Variants in GABRG3 observed in about 807,000 individuals in gnomAD.
The protein encoded by GABRG3 is gamma-aminobutyric acid receptor subunit gamma-3.
GABRG3 carries 25 observed loss-of-function variants against 48.8 expected under a neutral mutation model. That is an observed-to-expected ratio of 0.51 (90% CI 0.37 to 0.72). The LOEUF is 0.72. GABRG3 is among the 30% of genes least tolerant of loss of function. The pLI is 0.00. For missense variants in GABRG3, 394 were observed against 577.9 expected, an observed-to-expected ratio of 0.68 and a Z score of 3.26; for synonymous variants, 227 against 217.6, an observed-to-expected ratio of 1.04 and a Z score of -0.38.
At chr15:27,450,127 T>C (rs1353324467) in intron 5 of GABRG3, among the ~76,000 whole-genome samples, 1 of 152,182 alleles carries the variant, frequency 6.6e-6, no homozygotes, top group Non-Finnish European at 1.5e-5. Context: ...AGACACACAC[T>C]TGTGGGGGTG....
At chr15:27,002,764 G>GAAAA (rs1895476180) in intron 2 of GABRG3, among the ~76,000 whole-genome samples, 1 of 63,074 alleles carries the variant, frequency 1.6e-5, no homozygotes. Context: ...AAAAAAAAAA[G>GAAAA]GAAGGAAGGA....
At chr15:26,981,728 G>A (rs1324752544) in intron 2 of GABRG3, among the ~76,000 whole-genome samples, 5 of 152,164 alleles carry the variant, frequency 3.3e-5, no homozygotes, top group African/African-American at 7.2e-5. Context: ...ACGCACCGTC[G>A]GCAGGATGTG....
intron 5 of GABRG3, among the ~76,000 whole-genome samples, chr15:27,374,295 G>A (rs774035727): frequency 6.6e-6 from 1 of 151,596 alleles, no homozygotes; most frequent in Non-Finnish European, 1.5e-5. Flanking sequence ...ACCATGCCTG[G>A]CTAATTTTTG....
intron 3 of GABRG3, among the ~76,000 whole-genome samples, chr15:27,307,006 G>GTTTATATAAACATA (rs1566769768): frequency 1.3e-5 from 1 of 78,598 alleles, no homozygotes; most frequent in Non-Finnish European, 2.3e-5. Flanking sequence ...ATATAAACAT[G>GTTTATATAAACATA]TATAAACATG....
intron 3 of GABRG3, among the ~76,000 whole-genome samples, chr15:27,256,620 G>C (rs1890630606): frequency 6.6e-6 from 1 of 152,054 alleles, no homozygotes; most frequent in South Asian, 2.1e-4. Flanking sequence ...GACAGTCTTT[G>C]CTTCTATAAA....
At chr15:27,364,266 T>A (rs1257042683) in intron 5 of GABRG3, 1 of 152,300 alleles carries the variant, frequency 6.6e-6, no homozygotes, top group Non-Finnish European at 1.5e-5. Flanking sequence ...GTCTCTAACA[T>A]TTAATTTGTG....
chr15:27,273,342 A>G (rs1379675995), intron 3 of GABRG3, among the ~76,000 whole-genome samples: 2 of 152,188 alleles, frequency 1.3e-5, no homozygotes, highest in African/African-American at 4.8e-5. Flanking sequence ...ATAGAAGTTT[A>G]TTTTTATTAT....
At position 27,447,807 on chromosome 15, in the gene GABRG3, C is replaced by T. The variant is rs1449443584; in HGVS notation, c.575-32843C>T. ...ATAAGTGGGAGTTGAACAATGAGAA[C>T]ACATGGACACAGGGAGGGGAACATC... On this transcript the variant is annotated intron_variant, in intron 5 of 9. Transcript: ENST00000615808. The surrounding 1 kb of genome is among the most constrained non-coding windows in gnomAD (Gnocchi z 4.0). Among the ~76,000 whole-genome samples, 1 of 152,004 alleles carries T rather than the reference C, an allele frequency of 6.6e-6. No homozygotes were observed. The highest frequency in any genetic ancestry group is 1.9e-4 in the East Asian group (1 of 5,182).
chr15:27,499,040 C>T lies in GABRG3; in HGVS notation c.712+18253C>T, dbSNP rs370933378. ...ATATCTGCTCATCAGTACTTTCTCA[C>T]GGAGCAGACCTCGTCAGTTGCAGTG... is the stretch of plus-strand genomic sequence containing the variant. On this transcript the variant is annotated intron_variant, in intron 6 of 9. Transcript: ENST00000615808. Among the ~76,000 whole-genome samples the T allele has an allele frequency of 3.9e-5, 6 of 152,262 alleles. No individual in the cohort carries two copies. In the South Asian group the frequency reaches 6.2e-4, roughly 16 times the overall value.
intron 3 of GABRG3, among the ~76,000 whole-genome samples, chr15:27,029,193 G>T (rs1276115222): frequency 1.3e-5 from 2 of 152,188 alleles, no homozygotes; most frequent in Non-Finnish European, 2.9e-5. Flanking sequence ...TACTGAAGGG[G>T]TGGGGAGCCT....
At position 27,527,960 on chromosome 15, in the gene GABRG3, A is replaced by G. The variant is rs1485411158; in HGVS notation, c.1090A>G (p.Ile364Val). 5 of 1,596,436 alleles carry G rather than the reference A, an allele frequency of 3.1e-6. No individual in the cohort carries two copies. The highest frequency in any genetic ancestry group is 1.7e-4 in the Middle Eastern group (1 of 6,050). The part of the protein sequence containing the change: ...SLLHPDSSRW[I>V]PERISLQAPS... ...ACTACATCCAGATTCCTCAAGATGG[A>G]TTCCTGAGCGAATAAGCCTACAAGC... Residue 364 changes from isoleucine to valine, a missense_variant, in exon 9 of 10, where the codon ATT (isoleucine) becomes GTT (valine). Ile to Val is a conservative substitution (Grantham distance 29, BLOSUM62 3). Around this residue, in one of 3 missense-constraint regions of GABRG3, gnomAD observed 126 missense variants for 155.5 expected, o/e 0.81. Transcript: ENST00000615808.
chr15:27,211,747 C>T (rs1460620149), intron 3 of GABRG3, among the ~76,000 whole-genome samples: 1 of 152,172 alleles, frequency 6.6e-6, no homozygotes, highest in Non-Finnish European at 1.5e-5. Context: ...TTCCATCCTC[C>T]CACCTAGAAT....
chr15:27,146,157 ACGTTAAGAAATAAC>A (rs893112300), intron 3 of GABRG3, among the ~76,000 whole-genome samples: 1 of 152,138 alleles, frequency 6.6e-6, no homozygotes, highest in Non-Finnish European at 1.5e-5. Flanking sequence ...ACTCAAATCT[ACGTTAAGAAATAAC>A]CTGCCAGGCA....
At chr15:27,128,972 T>A (rs1402312817) in intron 3 of GABRG3, among the ~76,000 whole-genome samples, 2 of 152,208 alleles carry the variant, frequency 1.3e-5, no homozygotes, top group African/African-American at 4.8e-5. Flanking sequence ...TCTCACATAT[T>A]TAGATAAAAC....
chr15:27,386,400 C>T (rs1895921704), intron 5 of GABRG3, among the ~76,000 whole-genome samples: 1 of 152,118 alleles, frequency 6.6e-6, no homozygotes, highest in African/African-American at 2.4e-5. Context: ...CTCTCTTTTG[C>T]TGGATCTTCG....
At chr15:27,328,960 A>G in intron 5 of GABRG3, 72 bp downstream of exon 5, 1 of 1,227,386 alleles carries the variant, frequency 8.1e-7, no homozygotes, top group Non-Finnish European at 1.2e-6. Flanking sequence ...CTTCTGTCAA[A>G]CAGTCATGTG....
chr15:27,494,289 TTGA>T (rs1385334147), intron 6 of GABRG3, among the ~76,000 whole-genome samples: 6 of 152,054 alleles, frequency 3.9e-5, no homozygotes, highest in African/African-American at 1.4e-4. Context: ...TTGTATCAAT[TTGA>T]TGATATTTGT....
intron 3 of GABRG3, among the ~76,000 whole-genome samples, chr15:27,186,315 A>G (rs908226672): frequency 1.3e-5 from 2 of 152,166 alleles, no homozygotes; most frequent in Non-Finnish European, 2.9e-5. Flanking sequence ...CTCCAGCTGC[A>G]TCCATGTTGT....
At position 27,536,868 on chromosome 15, in the gene GABRG3, G is replaced by C. The variant is rs1180488199; in HGVS notation, c.*3987G>C. 2 of 152,098 alleles carry C rather than the reference G, an allele frequency of 1.3e-5. No individual in the cohort carries two copies. The highest frequency in any genetic ancestry group is 1.9e-4 in the East Asian group (1 of 5,190). 9.4% of individuals were successfully genotyped at this position (152,098 alleles called of 1,614,324 possible). A position where few individuals can be genotyped will look rare whatever the true frequency, so the allele number is the denominator to read the frequency against. On this transcript the variant is annotated 3_prime_UTR_variant, in exon 10 of 10. Transcript: ENST00000615808. Reference sequence around the variant, plus strand: ...ATGAGCCACTCTATCTAAAGGGCTAGAACACAAAACAGACAAAACCTCTTC... The same window carrying C: ...ATGAGCCACTCTATCTAAAGGGCTACAACACAAAACAGACAAAACCTCTTC...
Sources: allele counts gnomAD v4.1 joint callset (sites outside exome capture counted in the v4.1 genomes callset), GRCh38; gene constraint gnomAD v4.1.1; regional missense constraint gnomAD v4.1.1; non-coding constraint Gnocchi (gnomAD v3.1); transcripts MANE v1.5; gene names NCBI Gene and HGNC (gene_info 2026-07-23, HGNC 2026-07-21).